Variants in ALG9 observed in about 807,000 individuals in gnomAD.
ALG9 encodes the protein alpha-1,2-mannosyltransferase ALG9.
Under a neutral mutation model 81.8 loss-of-function variants are expected in ALG9, and 55 were observed. The observed-to-expected ratio is 0.67, with a 90% confidence interval of 0.54 to 0.84. The LOEUF (loss-of-function observed/expected upper bound fraction) is 0.84, where lower values mean the gene tolerates loss of function less well. Ranked by LOEUF, ALG9 falls within the 40% of genes least tolerant of loss-of-function variation. ALG9 has a pLI of 0.00. For missense variants in ALG9, 629 were observed against 745.0 expected, an observed-to-expected ratio of 0.84 and a Z score of 1.81; for synonymous variants, 278 against 274.3, an observed-to-expected ratio of 1.01 and a Z score of -0.13.
intron 14 of ALG9, among the ~76,000 whole-genome samples, chr11:111,793,208 C>T (rs1947696071): frequency 6.6e-6 from 1 of 152,052 alleles, no homozygotes; most frequent in East Asian, 1.9e-4. Context: ...TCTCAAACTC[C>T]CGGGCTCAAG....
intron 13 of ALG9, chr11:111,814,601 C>T (rs1951207176): frequency 6.6e-6 from 1 of 152,136 alleles, no homozygotes; most frequent in African/African-American, 2.4e-5. Flanking sequence ...TCTGGCTTAC[C>T]GTGAACTCTG....
chr11:111,827,345 G>A (rs890862413), intron 13 of ALG9, among the ~76,000 whole-genome samples: 22 of 151,780 alleles, frequency 1.4e-4, no homozygotes, highest in Admixed American at 2.6e-4. Context: ...GCGGGGTGGC[G>A]CATGCCTGTA....
chr11:111,831,225 G>A (rs943191585), intron 13 of ALG9, among the ~76,000 whole-genome samples: 10 of 152,060 alleles, frequency 6.6e-5, no homozygotes, highest in African/African-American at 2.4e-4. Flanking sequence ...ATTTTTAGTA[G>A]AGACGGGGTT....
chr11:111,843,845 C>A (rs1566036409), intron 9 of ALG9, among the ~76,000 whole-genome samples: 1 of 152,168 alleles, frequency 6.6e-6, no homozygotes, highest in Non-Finnish European at 1.5e-5. Context: ...CTGAGGAAGT[C>A]CAAAGCTTCC....
intron 6 of ALG9, 95 bp from the exon 7 acceptor site, chr11:111,853,831 C>A: frequency 8.7e-7 from 1 of 1,151,414 alleles, no homozygotes; most frequent in Non-Finnish European, 1.3e-6. Flanking sequence ...GAATAAAATG[C>A]CTCTGCCAGT....
At chr11:111,858,399 C>T (rs531699387) in intron 5 of ALG9, among the ~76,000 whole-genome samples, 14 of 152,328 alleles carry the variant, frequency 9.2e-5, no homozygotes, top group Non-Finnish European at 7.3e-5. Flanking sequence ...AGACTTAGAG[C>T]CATTGCTGAC....
At chr11:111,798,796 G>T (rs576498988) in intron 14 of ALG9, among the ~76,000 whole-genome samples, 3 of 152,280 alleles carry the variant, frequency 2.0e-5, no homozygotes, top group African/African-American at 7.2e-5. Flanking sequence ...TGTGAGCAGG[G>T]ACTAGAACGT....
intron 1 of ALG9, 22 bp from the exon 2 acceptor site, chr11:111,870,392 A>C (rs782130729): frequency 1.4e-5 from 22 of 1,518,290 alleles, no homozygotes; most frequent in Middle Eastern, 1.8e-4. Flanking sequence ...CAAAAAAAAA[A>C]AAAAAAAAAA....
At chr11:111,830,238 T>A (rs1387283089) in intron 13 of ALG9, among the ~76,000 whole-genome samples, 1 of 152,208 alleles carries the variant, frequency 6.6e-6, no homozygotes, top group African/African-American at 2.4e-5. Context: ...GGAGGAAACA[T>A]CTGAAAGGGA....
chr11:111,825,276 C>A (rs549100982), intron 13 of ALG9, among the ~76,000 whole-genome samples: 1 of 152,140 alleles, frequency 6.6e-6, no homozygotes. Context: ...TGTGTATAAT[C>A]CCTATGCCAG....
At chr11:111,834,242 A>T (rs1450400593) in intron 13 of ALG9, among the ~76,000 whole-genome samples, 9 of 152,256 alleles carry the variant, frequency 5.9e-5, no homozygotes, top group Non-Finnish European at 1.2e-4. Flanking sequence ...AAAGAGGAAG[A>T]TAATTTTGAT....
At chr11:111,871,106 C>T in intron 1 of ALG9, 1 of 1,234,640 alleles carries the variant, frequency 8.1e-7, no homozygotes, top group Non-Finnish European at 1.0e-6. Flanking sequence ...CTAGGCCTGG[C>T]CCAGGAGCAT....
chr11:111,849,916 G>A (rs910950044), intron 8 of ALG9: 1 of 152,206 alleles, frequency 6.6e-6, no homozygotes, highest in Non-Finnish European at 1.5e-5. Flanking sequence ...GGCACCTGGA[G>A]CAGGAGACTC....
intron 13 of ALG9, among the ~76,000 whole-genome samples, chr11:111,811,182 C>T (rs984663413): frequency 1.3e-5 from 2 of 152,142 alleles, no homozygotes; most frequent in African/African-American, 4.8e-5. Flanking sequence ...ATATAATTTA[C>T]AAGCATTTGA....
chr11:111,853,745 C>G lies in ALG9; in HGVS notation c.702-9G>C. 1 of 1,606,270 alleles carries G rather than the reference C, an allele frequency of 6.2e-7. No homozygotes were observed. The highest frequency in any genetic ancestry group is 8.5e-7 in the Non-Finnish European group (1 of 1,172,912). ...CAAAGGCAATGGGTAAACTATTTAACAGAGAAACAGAGCGGGGAGTTAAAT... is the reference window on the plus strand; with the variant it reads ...CAAAGGCAATGGGTAAACTATTTAAGAGAGAAACAGAGCGGGGAGTTAAAT... On this transcript the variant is annotated splice_polypyrimidine_tract_variant and intron_variant, in intron 6 of 14. Transcript: ENST00000616540.
chr11:111,865,418 T>C (rs1555151993), intron 3 of ALG9, among the ~76,000 whole-genome samples, 167 bp from the exon 4 acceptor site: 1 of 152,242 alleles, frequency 6.6e-6, no homozygotes, highest in African/African-American at 2.4e-5. Flanking sequence ...AATATCAGTA[T>C]ACCTACTTCT....
In ALG9 at chr11:111,825,716, T is replaced by C. The variant is rs610437; in HGVS notation, c.1602+10449A>G. 0.64 allele frequency among the ~76,000 whole-genome samples: 97,005 copies of C among 152,006 alleles called. 31,024 individuals are homozygous for C. Among genetic ancestry groups the C allele is most frequent in the East Asian group, 0.77 (3,968 of 5,178 alleles). On this transcript the variant is annotated intron_variant, in intron 13 of 14. Transcript: ENST00000616540. ...CTTCTACTAGACTCTGAGGGCAAGA[T>C]TTATGTCCTTTTCTAAATTCACCTT... is the stretch of plus-strand genomic sequence containing the variant.
intron 14 of ALG9, among the ~76,000 whole-genome samples, chr11:111,806,612 T>C (rs1462775370): frequency 6.6e-6 from 1 of 152,172 alleles, no homozygotes; most frequent in African/African-American, 2.4e-5. Flanking sequence ...CCTGGCCTCA[T>C]CTCGTCCCTA....
At chr11:111,856,855 C>T (rs1958775718) in intron 6 of ALG9, among the ~76,000 whole-genome samples, 1 of 152,066 alleles carries the variant, frequency 6.6e-6, no homozygotes. Flanking sequence ...GCCTGTAATC[C>T]CAGCACTTTG....
Sources: gnomAD v4.1 joint callset for allele counts (sites outside exome capture counted in the v4.1 genomes callset) on GRCh38, gnomAD v4.1.1 for gene constraint, MANE v1.5 for transcripts, NCBI Gene and HGNC (gene_info 2026-07-23, HGNC 2026-07-21) for gene names.